Variants in AK9 observed in about 807,000 individuals in gnomAD.
AK9 encodes adenylate kinase domain containing 1.
Under a neutral mutation model 239.6 loss-of-function variants are expected in AK9, and 191 were observed. The ratio of observed to expected loss-of-function variants is 0.80; its 90% CI spans 0.71 to 0.90. AK9 has a LOEUF of 0.90. Ranked by LOEUF, AK9 falls within the 40% of genes least tolerant of loss-of-function variation. The pLI is 0.00. For missense variants in AK9, 1,995 were observed against 2,214.7 expected (o/e 0.90, Z 1.99); for synonymous variants, 689 against 721.0 (o/e 0.96, Z 0.71).
intron 28 of AK9, among the ~76,000 whole-genome samples, chr6:109,529,799 G>A (rs938564622): frequency 2.0e-5 from 3 of 152,096 alleles, no homozygotes; most frequent in African/African-American, 7.2e-5. Flanking sequence ...CTAATGTGCT[G>A]CTGATCTGAC....
intron 39 of AK9, 52 bp downstream of exon 39, chr6:109,495,286 A>G: frequency 7.3e-7 from 1 of 1,371,968 alleles, no homozygotes; most frequent in East Asian, 2.3e-5. Flanking sequence ...GTTAAAAAGA[A>G]GAAGTCATTG....
At chr6:109,648,285 A>C (rs1798368363) in intron 8 of AK9, among the ~76,000 whole-genome samples, 1 of 152,214 alleles carries the variant, frequency 6.6e-6, no homozygotes, top group Non-Finnish European at 1.5e-5. Context: ...TCCTTCAAAA[A>C]ATCAATGAAT....
rs949111085 is a variant in AK9, at chr6:109,619,278, T to C, written c.1255-42A>G. ...AGAAAATCGACATAAGCAGGAGTTATTGTGACTATTAAACACATTGTTCAT... is the reference window on the plus strand; with the variant it reads ...AGAAAATCGACATAAGCAGGAGTTACTGTGACTATTAAACACATTGTTCAT... On this transcript the variant is annotated intron_variant, in intron 12 of 40. Transcript: ENST00000424296. The C allele has an allele frequency of 9.9e-6, 15 of 1,518,464 alleles. No homozygotes were observed. The African/African-American group carries it at 1.8e-4, about 18-fold the overall frequency. The allele number at this position is 1,518,464 out of a possible 1,614,324, so 94.1% of individuals were successfully genotyped here.
rs766622607 is a variant in AK9 at position 109,516,012 on chromosome 6, C to A, written c.3910G>T (p.Val1304Leu). The A allele has an allele frequency of 1.0e-5, 16 of 1,551,136 alleles. 1 individual carries two copies. In the South Asian group the frequency reaches 1.8e-4, roughly 17 times the overall value. The change falls in exon 31 of 41, where the codon GTA becomes TTA. Residue 1304 changes from valine to leucine, a missense_variant. By Grantham distance (32) the Val-to-Leu change is conservative. Coordinates refer to ENST00000424296, the MANE Select transcript of AK9 (RefSeq NM_001145128.3). Reference sequence around the variant, plus strand: ...AGTTTCATATTCAATGTATATTGTACAATGTGATTTCTCCGAGCTCCATTA... The same window carrying A: ...AGTTTCATATTCAATGTATATTGTAAAATGTGATTTCTCCGAGCTCCATTA... The part of the protein sequence containing the change: ...SINGARRNHI[V>L]QYTLNMKLKP...
intron 17 of AK9, among the ~76,000 whole-genome samples, chr6:109,589,823 A>G (rs1789984497): frequency 6.6e-6 from 1 of 152,032 alleles, no homozygotes; most frequent in African/African-American, 2.4e-5. Context: ...TGATGTTATC[A>G]CATAGTTTTT....
At chr6:109,507,433 G>A (rs1278966518) in intron 33 of AK9, among the ~76,000 whole-genome samples, 2 of 152,114 alleles carry the variant, frequency 1.3e-5, no homozygotes. Flanking sequence ...GTTGGTGAGA[G>A]TGGCCCTATA....
At chr6:109,630,773 A>C (rs1488191493) in intron 12 of AK9, among the ~76,000 whole-genome samples, 1 of 152,134 alleles carries the variant, frequency 6.6e-6, no homozygotes, top group Non-Finnish European at 1.5e-5. Flanking sequence ...TGAGCCCAGG[A>C]GTTAGAGGAT....
At chr6:109,616,662 C>T (rs1027199390) in intron 13 of AK9, among the ~76,000 whole-genome samples, 1 of 152,034 alleles carries the variant, frequency 6.6e-6, no homozygotes, top group Admixed American at 6.6e-5. Flanking sequence ...CAGGTATGAG[C>T]CACTGACCTT....
intron 10 of AK9, among the ~76,000 whole-genome samples, 165 bp downstream of exon 10, chr6:109,641,349 CTTTT>C (rs913203723): frequency 8.0e-6 from 1 of 124,364 alleles, no homozygotes; most frequent in African/African-American, 3.1e-5. Context: ...TTCTTTCTTT[CTTTT>C]TTTTTTTTTT....
rs1429942353 is a variant in AK9 at position 109,667,618 on chromosome 6, G to A, written c.331+4301C>T. 4.1e-5 allele frequency among the ~76,000 whole-genome samples: 6 copies of A among 146,312 alleles called. No homozygotes were observed. The South Asian group carries it at 1.3e-3, about 31-fold the overall frequency. On this transcript the variant is annotated intron_variant, in intron 5 of 40. Transcript: ENST00000424296. The stretch of plus-strand genomic sequence containing the variant: ...CTTCCTGTGTCCAAGTGTTCTCATT[G>A]TTCAATTCCCACCTATGAGTGAGAA...
chr6:109,657,780 A>G (rs748907081), intron 7 of AK9, among the ~76,000 whole-genome samples: 1 of 151,944 alleles, frequency 6.6e-6, no homozygotes. Flanking sequence ...ATTCCCACCT[A>G]TGAGTGAGAA....
intron 24 of AK9, among the ~76,000 whole-genome samples, chr6:109,555,639 T>G (rs1361300847): frequency 6.6e-6 from 1 of 152,234 alleles, no homozygotes; most frequent in Admixed American, 6.5e-5. Context: ...TGTGTGGGAT[T>G]CTAAGTCTCT....
intron 17 of AK9, among the ~76,000 whole-genome samples, chr6:109,586,630 T>C (rs1008953877): frequency 6.6e-6 from 1 of 152,058 alleles, no homozygotes; most frequent in Non-Finnish European, 1.5e-5. Context: ...GACAACACCC[T>C]TCACTTCTCT....
intron 28 of AK9, among the ~76,000 whole-genome samples, chr6:109,530,958 G>A (rs1459522848): frequency 2.0e-5 from 3 of 152,164 alleles, no homozygotes; most frequent in Non-Finnish European, 4.4e-5. Flanking sequence ...CAGGAGAATC[G>A]CTTGAACCCA....
At chr6:109,581,659 T>C (rs1305828049) in intron 19 of AK9, among the ~76,000 whole-genome samples, 1 of 152,200 alleles carries the variant, frequency 6.6e-6, no homozygotes, top group Non-Finnish European at 1.5e-5. Context: ...AAGCCATCTC[T>C]GTAACATCAA....
At position 109,611,438 on chromosome 6, in the gene AK9, C is replaced by T. The variant is rs141291164; in HGVS notation, c.1693+572G>A. 9.2e-5 allele frequency among the ~76,000 whole-genome samples: 14 copies of T among 152,332 alleles called. No homozygotes were observed. The East Asian group carries it at 2.7e-3, about 29-fold the overall frequency. On this transcript the variant is annotated intron_variant, in intron 16 of 40. Transcript: ENST00000424296. ...TTGTCCACCCAATATCCATTCGCCTCTTCCTTCATACAGCAACCCTGATTT... is the reference window on the plus strand; with the variant it reads ...TTGTCCACCCAATATCCATTCGCCTTTTCCTTCATACAGCAACCCTGATTT...
rs755018077 is a variant in AK9, at chr6:109,656,919, G to C, written c.631-35C>G. ...AAAGAAGAGATTTCAAATATCTTTA[G>C]GTCAATGACTATTCAATTTACAAGC... On this transcript the variant is annotated intron_variant, in intron 7 of 40. Coordinates refer to ENST00000424296, the MANE Select transcript of AK9 (RefSeq NM_001145128.3). 1.9e-6 allele frequency: 3 copies of C among 1,605,618 alleles called. No homozygotes were observed. The African/African-American group carries it at 4.0e-5, about 22-fold the overall frequency.
At chr6:109,626,381 A>G (rs1273844783) in intron 12 of AK9, among the ~76,000 whole-genome samples, 1 of 152,158 alleles carries the variant, frequency 6.6e-6, no homozygotes, top group Non-Finnish European at 1.5e-5. Flanking sequence ...ACGTTTCATT[A>G]CATGTTGGAC....
chr6:109,579,845 A>G (rs368001316), intron 19 of AK9, among the ~76,000 whole-genome samples: 3 of 152,304 alleles, frequency 2.0e-5, no homozygotes, highest in East Asian at 3.9e-4. Context: ...AACTTTGTCT[A>G]TTAATTAGGA....
Sources: allele counts gnomAD v4.1 joint callset (sites outside exome capture counted in the v4.1 genomes callset), GRCh38; gene constraint gnomAD v4.1.1; transcripts MANE v1.5; gene names NCBI Gene and HGNC (gene_info 2026-07-23, HGNC 2026-07-21).